EYS: variants seen among roughly 807,000 people sequenced by gnomAD.
The protein encoded by EYS is EGF-like photoreceptor maintenance factor, also known as protein eyes shut homolog.
Under a neutral mutation model 282.1 loss-of-function variants are expected in EYS, and 250 were observed. The ratio of observed to expected loss-of-function variants is 0.89; its 90% CI spans 0.80 to 0.98. The LOEUF is 0.98. Ranked by LOEUF, EYS falls within the 50% of genes least tolerant of loss-of-function variation. The probability of loss-of-function intolerance (pLI) is 0.00; values close to 1 mark genes in which losing one functional copy is unlikely to be tolerated. For synonymous variants in EYS, 1,355 were observed against 1,282.9 expected (o/e 1.06, Z -1.20); for missense variants, 4,016 against 3,709.0 (o/e 1.08, Z -2.15).
At chr6:65,264,437 G>T (rs1013576486) in intron 12 of EYS, among the ~76,000 whole-genome samples, 2 of 152,030 alleles carry the variant, frequency 1.3e-5, no homozygotes, top group Non-Finnish European at 2.9e-5. Context: ...TTTGATGCAC[G>T]TAAGACATTC....
chr6:64,217,902 A>G (rs1765982010), intron 31 of EYS, among the ~76,000 whole-genome samples: 1 of 152,218 alleles, frequency 6.6e-6, no homozygotes, highest in Non-Finnish European at 1.5e-5. Flanking sequence ...GAAATCCCCA[A>G]AAGCATCATT....
chr6:65,024,455 C>T (rs532116123), intron 13 of EYS, among the ~76,000 whole-genome samples: 99 of 152,164 alleles, frequency 6.5e-4, no homozygotes, highest in Non-Finnish European at 1.2e-3. Flanking sequence ...GGCTTCTGTC[C>T]AGGCCCTGAA....
chr6:64,327,704 AG>A (rs201601880), intron 29 of EYS, among the ~76,000 whole-genome samples: 3 of 152,286 alleles, frequency 2.0e-5, no homozygotes, highest in East Asian at 3.9e-4. Flanking sequence ...AGAGATTGCA[AG>A]GCATCAGTAA....
chr6:65,460,015 T>C (rs1174142655), intron 5 of EYS, among the ~76,000 whole-genome samples: 1 of 137,908 alleles, frequency 7.3e-6, no homozygotes, highest in Non-Finnish European at 1.6e-5. Flanking sequence ...TATAATTTTA[T>C]TGTATGTATT....
At chr6:65,280,123 A>G (rs1768175800) in intron 12 of EYS, among the ~76,000 whole-genome samples, 1 of 152,148 alleles carries the variant, frequency 6.6e-6, no homozygotes. Context: ...GAGGAGCTTT[A>G]TTTTAGACTT....
rs533970156 is a variant in EYS, at chr6:65,300,412, C to A, written c.1767-4293G>T. Among the ~76,000 whole-genome samples, 9 of 152,216 alleles carry A rather than the reference C, an allele frequency of 5.9e-5. No homozygotes were observed. In the East Asian group the frequency reaches 1.7e-3, roughly 29 times the overall value. ...CTAAAAATGTTCACATATTGTAGAT[C>A]TGAAAACTATTTTTTTCTACCTTTT... On this transcript the variant is annotated intron_variant, in intron 11 of 42. Transcript: ENST00000503581.
At chr6:64,730,826 GAT>G (rs1025877697) in intron 22 of EYS, 1 of 152,038 alleles carries the variant, frequency 6.6e-6, no homozygotes, top group Non-Finnish European at 1.5e-5. Context: ...CTGAAAATTC[GAT>G]GTTATTTATA....
intron 14 of EYS, among the ~76,000 whole-genome samples, chr6:64,973,047 A>G (rs1237510797): frequency 6.6e-6 from 1 of 152,080 alleles, no homozygotes; most frequent in African/African-American, 2.4e-5. Flanking sequence ...AATATAATTT[A>G]TAATAAATAT....
intron 31 of EYS, among the ~76,000 whole-genome samples, chr6:64,089,507 G>C (rs1772279975): frequency 6.7e-6 from 1 of 149,354 alleles, no homozygotes; most frequent in Non-Finnish European, 1.5e-5. Context: ...ATATAATACT[G>C]TATATCCTAT....
chr6:65,283,588 T>C (rs1413770707), intron 12 of EYS, among the ~76,000 whole-genome samples: 1 of 152,100 alleles, frequency 6.6e-6, no homozygotes, highest in Non-Finnish European at 1.5e-5. Context: ...CTGATTTTAA[T>C]GGAGATTATT....
chr6:64,087,397 A>G (rs1772191621), intron 31 of EYS, among the ~76,000 whole-genome samples: 1 of 152,108 alleles, frequency 6.6e-6, no homozygotes, highest in Non-Finnish European at 1.5e-5. Context: ...GAGGTCCTGG[A>G]CAAATGTGCC....
chr6:64,996,669 G>A (rs1441037964), intron 14 of EYS, among the ~76,000 whole-genome samples: 1 of 152,176 alleles, frequency 6.6e-6, no homozygotes, highest in East Asian at 1.9e-4. Flanking sequence ...ATATGTAAAT[G>A]CGAGTTACAG....
At chr6:65,570,564 G>A (rs1764443774) in intron 2 of EYS, among the ~76,000 whole-genome samples, 1 of 152,106 alleles carries the variant, frequency 6.6e-6, no homozygotes. Context: ...TAGATTGCTT[G>A]AACTGGGGGT....
At chr6:63,885,771 A>G (rs1293333941) in intron 35 of EYS, among the ~76,000 whole-genome samples, 1 of 152,132 alleles carries the variant, frequency 6.6e-6, no homozygotes, top group Non-Finnish European at 1.5e-5. Context: ...AGCTCTCCAT[A>G]ATATTCCCTT....
chr6:64,030,516 C>A (rs1034495677), intron 33 of EYS, among the ~76,000 whole-genome samples: 1 of 152,192 alleles, frequency 6.6e-6, no homozygotes, highest in African/African-American at 2.4e-5. Context: ...GGACTCTGCA[C>A]CTTCTTAGGG....
chr6:65,178,289 C>T (rs576672972), intron 12 of EYS, among the ~76,000 whole-genome samples: 1 of 152,064 alleles, frequency 6.6e-6, no homozygotes, highest in African/African-American at 2.4e-5. Context: ...GTACTGTTCC[C>T]TTTTCTCTAA....
chr6:64,506,480 C>T (rs16895372), intron 26 of EYS, among the ~76,000 whole-genome samples: 7,839 of 152,230 alleles, frequency 0.051, 682 homozygotes, highest in African/African-American at 0.18. Context: ...TTGTTATTCA[C>T]ATTTGAAATT....
rs1036419218 is a variant in EYS, at chr6:65,129,288, C to T, written c.2024-71561G>A. 4.6e-5 allele frequency among the ~76,000 whole-genome samples: 7 copies of T among 151,938 alleles called. No homozygotes were observed. The South Asian group carries it at 1.0e-3, about 23-fold the overall frequency. On this transcript the variant is annotated intron_variant, in intron 12 of 42. Transcript: ENST00000503581. ...AAGTATTTATGGCTAAATCCTTAAA[C>T]GCAACTGCAACAACAACAAAAATTG...
At chr6:64,712,829 G>T (rs555900958) in intron 22 of EYS, among the ~76,000 whole-genome samples, 1 of 152,160 alleles carries the variant, frequency 6.6e-6, no homozygotes, top group African/African-American at 2.4e-5. Context: ...AAACTGAAAT[G>T]CTCTAAGGTA....
Sources: gnomAD v4.1 joint callset for allele counts (sites outside exome capture counted in the v4.1 genomes callset) on GRCh38, gnomAD v4.1.1 for gene constraint, MANE v1.5 for transcripts, NCBI Gene and HGNC (gene_info 2026-07-23, HGNC 2026-07-21) for gene names.